The following PTPRZ1 variants were observed in gnomAD, a reference collection of about 807,000 sequenced individuals.
PTPRZ1 encodes the protein receptor-type tyrosine-protein phosphatase zeta.
A neutral mutation model predicts 214.1 loss-of-function variants in PTPRZ1; 82 were observed. That is an observed-to-expected ratio of 0.38 (90% CI 0.32 to 0.46). The LOEUF is 0.46. PTPRZ1 is among the 20% of genes least tolerant of loss of function. The probability of loss-of-function intolerance (pLI) is 1.00; values close to 1 mark genes in which losing one functional copy is unlikely to be tolerated. For synonymous variants in PTPRZ1, 945 were observed against 987.9 expected (o/e 0.96, Z 0.81); for missense variants, 2,603 against 2,748.7 (o/e 0.95, Z 1.19).
chr7:121,878,467 G>A (rs952197917), intron 1 of PTPRZ1, among the ~76,000 whole-genome samples: 1 of 152,204 alleles, frequency 6.6e-6, no homozygotes, highest in Non-Finnish European at 1.5e-5. Flanking sequence ...ATGTGAGTTA[G>A]TTATGGTTTG....
chr7:122,052,769 C>G (rs1792226002), intron 25 of PTPRZ1, among the ~76,000 whole-genome samples: 1 of 152,138 alleles, frequency 6.6e-6, no homozygotes, highest in Non-Finnish European at 1.5e-5. Context: ...CTCCCTGGTT[C>G]CTCTCTTGTA....
Position 121,972,369 on chromosome 7 carries a change from T to A in PTPRZ1, c.305-172T>A, listed in dbSNP as rs568451010. Among the ~76,000 whole-genome samples the A allele has an allele frequency of 1.5e-3, 221 of 152,282 alleles. 1 individual carries two copies. Among genetic ancestry groups the A allele is most frequent in the African/African-American group, 5.1e-3 (212 of 41,556 alleles). The stretch of plus-strand genomic sequence containing the variant: ...AGTTTGCATTTGTGGCAATAAGATA[T>A]AAGTATATTGTGCAGACCTACAAAG... On this transcript the variant is annotated intron_variant, in intron 3 of 29. Transcript: ENST00000393386.
At chr7:122,016,329 TATTA>T (rs1798837590) in intron 12 of PTPRZ1, among the ~76,000 whole-genome samples, 1 of 152,226 alleles carries the variant, frequency 6.6e-6, no homozygotes, top group East Asian at 1.9e-4. Context: ...CTTAATTACC[TATTA>T]ATTAAATATT....
intron 1 of PTPRZ1, among the ~76,000 whole-genome samples, chr7:121,909,373 A>G (rs1236686249): frequency 6.6e-6 from 1 of 150,534 alleles, no homozygotes; most frequent in African/African-American, 2.5e-5. Context: ...GTCCAACTGG[A>G]ACGAGTTCCA....
rs1432766196 is a variant in PTPRZ1, at chr7:122,013,095, C to T, written c.4049C>T (p.Ala1350Val). 2 of 1,613,670 alleles carry T rather than the reference C, an allele frequency of 1.2e-6. No individual in the cohort carries two copies. The highest frequency in any genetic ancestry group is 1.3e-5 in the African/African-American group (1 of 75,050). ...TKSSVTGKVF[A>V]GIPTVASDTF... ...AGTTCTGTTACTGGTAAGGTATTTG[C>T]TGGTATTCCAACAGTTGCTTCTGAT... The change falls in exon 12 of 30, where the codon GCT (alanine) becomes GTT (valine). Residue 1350 changes from alanine (A) to valine (V), a missense_variant. Ala to Val is a moderately conservative substitution (Grantham distance 64). This residue lies in a region of PTPRZ1 where 1,913 missense variants were observed against 1,914.3 expected (regional missense o/e 1.00). Coordinates refer to ENST00000393386, the MANE Select transcript of PTPRZ1 (RefSeq NM_002851.3).
chr7:121,901,647 G>A (rs1287249554), intron 1 of PTPRZ1, among the ~76,000 whole-genome samples: 1 of 151,970 alleles, frequency 6.6e-6, no homozygotes, highest in African/African-American at 2.4e-5. Flanking sequence ...AATTTTTCTA[G>A]GAGTTATTTC....
chr7:121,889,296 A>G (rs2116204843), intron 1 of PTPRZ1, among the ~76,000 whole-genome samples: 1 of 152,208 alleles, frequency 6.6e-6, no homozygotes, highest in African/African-American at 2.4e-5. Context: ...ATAAGGATAT[A>G]TCTTCTGTGC....
At chr7:121,914,133 G>A (rs1455204703) in intron 1 of PTPRZ1, among the ~76,000 whole-genome samples, 1 of 152,220 alleles carries the variant, frequency 6.6e-6, no homozygotes, top group Non-Finnish European at 1.5e-5. Flanking sequence ...GGGCAACATG[G>A]TGAAACCCTG....
rs1477978714 is a variant in PTPRZ1, at chr7:122,039,699, T to TAA, written c.5637+115_5637+116dup. 11 of 1,354,142 alleles carry TAA rather than the reference T, an allele frequency of 8.1e-6. No individual in the cohort carries two copies. In the East Asian group the frequency reaches 2.4e-4, roughly 30 times the overall value. 83.9% of individuals were successfully genotyped at this position (1,354,142 alleles called of 1,614,324 possible). A position where few individuals can be genotyped will look rare whatever the true frequency, so the allele number is the denominator to read the frequency against. On this transcript the variant is annotated intron_variant, in intron 20 of 29. Coordinates refer to ENST00000393386, the MANE Select transcript of PTPRZ1 (RefSeq NM_002851.3). ...GTAAAAAGCATATAACTAAAGGCATTAAAAATTCTTGTAACCAGGCCAGGT... is the reference window on the plus strand; with the variant it reads ...GTAAAAAGCATATAACTAAAGGCATTAAAAAAATTCTTGTAACCAGGCCAGGT...
intron 13 of PTPRZ1, among the ~76,000 whole-genome samples, chr7:122,019,776 A>T (rs1049216737): frequency 6.6e-6 from 1 of 152,198 alleles, no homozygotes; most frequent in African/African-American, 2.4e-5. Flanking sequence ...CTATCTTAAG[A>T]TGCACAGGCA....
chr7:121,901,139 T>G (rs190020669), intron 1 of PTPRZ1, among the ~76,000 whole-genome samples: 1 of 152,272 alleles, frequency 6.6e-6, no homozygotes, highest in East Asian at 1.9e-4. Flanking sequence ...CCTTAGATTC[T>G]GAGTGATTCT....
chr7:121,970,876 C>T (rs1797222624), intron 3 of PTPRZ1, among the ~76,000 whole-genome samples: 1 of 152,076 alleles, frequency 6.6e-6, no homozygotes, highest in African/African-American at 2.4e-5. Flanking sequence ...AAGTCCTTGC[C>T]CATGCCTATG....
At position 122,031,565 on chromosome 7, in the gene PTPRZ1, A is replaced by G. The variant is rs762550928; in HGVS notation, c.5166+6A>G. On this transcript the variant is annotated splice_donor_region_variant and intron_variant, in intron 15 of 29. Coordinates refer to ENST00000393386, the MANE Select transcript of PTPRZ1 (RefSeq NM_002851.3). ...GGTTTACTGAAGAATTTGAGGTATG[A>G]TTTTAATATGTCTATTTTAAATAAT... 4 of 1,570,434 alleles carry G rather than the reference A, an allele frequency of 2.5e-6. No homozygotes were observed. Among genetic ancestry groups the G allele is most frequent in the African/African-American group, 2.7e-5 (2 of 73,858 alleles).
intron 2 of PTPRZ1, among the ~76,000 whole-genome samples, chr7:121,936,539 C>T (rs1426669318): frequency 2.0e-5 from 3 of 152,192 alleles, no homozygotes; most frequent in African/African-American, 7.2e-5. Context: ...GCAGCCACGG[C>T]TTTTACACAG....
intron 23 of PTPRZ1, among the ~76,000 whole-genome samples, chr7:122,049,691 T>C (rs950815651): frequency 2.6e-5 from 4 of 152,152 alleles, no homozygotes; most frequent in African/African-American, 9.7e-5. Context: ...CATGGAAATA[T>C]TAAGATATTG....
chr7:121,968,305 T>C (rs1797105649), intron 3 of PTPRZ1, among the ~76,000 whole-genome samples, 175 bp downstream of exon 3: 1 of 151,686 alleles, frequency 6.6e-6, no homozygotes, highest in Admixed American at 6.6e-5. Flanking sequence ...TTTTGACAAT[T>C]TGTACAAAAA....
intron 3 of PTPRZ1, among the ~76,000 whole-genome samples, chr7:121,970,252 C>T (rs539887582): frequency 6.6e-6 from 1 of 152,078 alleles, no homozygotes; most frequent in South Asian, 2.1e-4. Context: ...AGTAGTGCCA[C>T]AATAAACATG....
chr7:122,056,882 A>C (rs912244224), intron 27 of PTPRZ1, among the ~76,000 whole-genome samples: 5 of 151,866 alleles, frequency 3.3e-5, no homozygotes, highest in African/African-American at 1.2e-4. Flanking sequence ...CGTGCTGCTT[A>C]CTTTTAAATA....
intron 2 of PTPRZ1, among the ~76,000 whole-genome samples, chr7:121,966,425 T>C (rs1797048477): frequency 6.6e-6 from 1 of 152,186 alleles, no homozygotes; most frequent in Non-Finnish European, 1.5e-5. Context: ...TTCATTCTCT[T>C]GCACTGACAT....
Sources: allele counts gnomAD v4.1 joint callset (sites outside exome capture counted in the v4.1 genomes callset), GRCh38; gene constraint gnomAD v4.1.1; regional missense constraint gnomAD v4.1.1; transcripts MANE v1.5; gene names NCBI Gene and HGNC (gene_info 2026-07-23, HGNC 2026-07-21).